Variants in TAFA5 observed in about 807,000 individuals in gnomAD.
The protein encoded by TAFA5 is TAFA chemokine like family member 5, also known as chemokine-like protein TAFA-5.
TAFA5 carries 6 observed loss-of-function variants against 15.3 expected under a neutral mutation model. That is an observed-to-expected ratio of 0.39 (90% CI 0.21 to 0.77). The LOEUF (loss-of-function observed/expected upper bound fraction) is 0.77. Among genes scored for constraint, TAFA5 ranks in the 30% least tolerant of loss-of-function variants. The probability of loss-of-function intolerance (pLI) is 0.41; values close to 1 mark genes in which losing one functional copy is unlikely to be tolerated. For synonymous variants in TAFA5, 103 were observed against 80.7 expected, an observed-to-expected ratio of 1.28 and a Z score of -1.48; for missense variants, 161 against 193.1, an observed-to-expected ratio of 0.83 and a Z score of 0.98.
chr22:48,522,915 G>A (rs1921654353), intron 1 of TAFA5, among the ~76,000 whole-genome samples: 1 of 152,250 alleles, frequency 6.6e-6, no homozygotes, highest in Non-Finnish European at 1.5e-5. Flanking sequence ...TGGGGGACTA[G>A]AGGGTGGGGC....
At chr22:48,605,586 C>T (rs1243306484) in intron 1 of TAFA5, among the ~76,000 whole-genome samples, 1 of 152,148 alleles carries the variant, frequency 6.6e-6, no homozygotes, top group Non-Finnish European at 1.5e-5. Flanking sequence ...ATCCTAACAG[C>T]CTAACTAGGA....
At chr22:48,736,286 T>C (rs75869549) in intron 3 of TAFA5, among the ~76,000 whole-genome samples, 1 of 34,540 alleles carries the variant, frequency 2.9e-5, no homozygotes, top group Admixed American at 3.2e-4. Context: ...ATCGCACTCC[T>C]AGAGTCCATC....
intron 1 of TAFA5, among the ~76,000 whole-genome samples, chr22:48,536,442 C>T (rs898429404): frequency 5.9e-5 from 9 of 152,312 alleles, no homozygotes; most frequent in South Asian, 4.1e-4. Flanking sequence ...CACCGGGAGC[C>T]GGCGCGGGTG....
chr22:48,659,880 A>G (rs2147213154), intron 2 of TAFA5, among the ~76,000 whole-genome samples: 1 of 152,352 alleles, frequency 6.6e-6, no homozygotes, highest in East Asian at 1.9e-4. Flanking sequence ...GAGATTTCAA[A>G]CTAAATTAAA....
intron 1 of TAFA5, among the ~76,000 whole-genome samples, chr22:48,637,565 C>G (rs1926495348): frequency 6.6e-6 from 1 of 152,170 alleles, no homozygotes; most frequent in African/African-American, 2.4e-5. Context: ...TGCCTTTACC[C>G]CTGTGGTCAT....
In TAFA5 at chr22:48,745,211, A is replaced by G. The variant is rs1292020388; in HGVS notation, c.391-4628A>G. ...TTTGTCATCGGCAGCTGGCCTGTCC[A>G]GGGTTCACCCTGAGCATTGGCACAC... On this transcript the variant is annotated intron_variant, in intron 3 of 3. Transcript: ENST00000402357. Among the ~76,000 whole-genome samples the G allele has an allele frequency of 1.8e-3, 270 of 150,012 alleles. 1 individual carries two copies. The highest frequency in any genetic ancestry group is 6.5e-3 in the African/African-American group (262 of 40,352).
At chr22:48,736,857 G>T (rs1930043734) in intron 3 of TAFA5, among the ~76,000 whole-genome samples, 1 of 152,236 alleles carries the variant, frequency 6.6e-6, no homozygotes, top group South Asian at 2.1e-4. Context: ...GTTGCTGACG[G>T]GTATGGCGTT....
intron 3 of TAFA5, among the ~76,000 whole-genome samples, chr22:48,723,894 A>G (rs1001091722): frequency 6.6e-6 from 1 of 152,226 alleles, no homozygotes; most frequent in Non-Finnish European, 1.5e-5. Context: ...TGTTTTCCAC[A>G]TGTGGTATCT....
intron 3 of TAFA5, among the ~76,000 whole-genome samples, chr22:48,726,482 C>T (rs1344077750): frequency 6.6e-6 from 1 of 152,178 alleles, no homozygotes; most frequent in Non-Finnish European, 1.5e-5. Flanking sequence ...TGGTGGTGGG[C>T]TGGACAGGTG....
chr22:48,497,289 C>T (rs1211296082), intron 1 of TAFA5, among the ~76,000 whole-genome samples: 1 of 152,198 alleles, frequency 6.6e-6, no homozygotes, highest in African/African-American at 2.4e-5. Flanking sequence ...GCCTGCGGTC[C>T]CACGGGGCCC....
intron 1 of TAFA5, among the ~76,000 whole-genome samples, chr22:48,619,974 GTGGGT>G (rs1453312124): frequency 6.6e-6 from 1 of 152,252 alleles, no homozygotes; most frequent in African/African-American, 2.4e-5. Flanking sequence ...GCTGTGACAT[GTGGGT>G]TGGAGATTTG....
intron 1 of TAFA5, chr22:48,545,542 G>C (rs1017154611): frequency 6.5e-6 from 1 of 154,488 alleles, no homozygotes; most frequent in Non-Finnish European, 1.4e-5. Context: ...AACTAGGTTG[G>C]GTGTTATGGA....
At chr22:48,714,825 G>T (rs1173713677) in intron 3 of TAFA5, among the ~76,000 whole-genome samples, 1 of 152,218 alleles carries the variant, frequency 6.6e-6, no homozygotes. Context: ...AAGATCAAGT[G>T]GTCAGGGCCC....
intron 2 of TAFA5, 41 bp from the exon 3 acceptor site, chr22:48,707,676 T>C (rs1361781240): frequency 6.2e-7 from 1 of 1,607,836 alleles, no homozygotes; most frequent in Non-Finnish European, 8.5e-7. Flanking sequence ...TCACGATCCA[T>C]GAGAGTAGCA....
chr22:48,603,104 A>G (rs1925034645), intron 1 of TAFA5, among the ~76,000 whole-genome samples: 1 of 152,208 alleles, frequency 6.6e-6, no homozygotes, highest in Admixed American at 6.5e-5. Flanking sequence ...CCTGGAGCCC[A>G]GGCCAGGCCC....
At chr22:48,576,259 T>G in intron 1 of TAFA5, 3 of 421,172 alleles carry the variant, frequency 7.1e-6, no homozygotes, top group Non-Finnish European at 7.1e-6. Context: ...GCCCGCCCCC[T>G]CCGCGGCGCC....
At chr22:48,529,376 A>G (rs1280103756) in intron 1 of TAFA5, among the ~76,000 whole-genome samples, 18 of 56,972 alleles carry the variant, frequency 3.2e-4, no homozygotes, top group South Asian at 8.6e-4. Context: ...GGAGATGGGG[A>G]TGTCAGGCAG....
At chr22:48,571,811 C>G (rs1923603303) in intron 1 of TAFA5, among the ~76,000 whole-genome samples, 1 of 151,668 alleles carries the variant, frequency 6.6e-6, no homozygotes, top group Non-Finnish European at 1.5e-5. Flanking sequence ...AGGATATACC[C>G]TCTAGGTCTC....
intron 1 of TAFA5, among the ~76,000 whole-genome samples, chr22:48,570,989 C>G (rs1187242909): frequency 6.6e-6 from 1 of 152,092 alleles, no homozygotes; most frequent in Non-Finnish European, 1.5e-5. Flanking sequence ...TTCCTTTATC[C>G]CATATCTCCA....
Sources: allele counts gnomAD v4.1 joint callset (sites outside exome capture counted in the v4.1 genomes callset), GRCh38; gene constraint gnomAD v4.1.1; transcripts MANE v1.5; gene names NCBI Gene and HGNC (gene_info 2026-07-23, HGNC 2026-07-21).